The following CACNB4 variants were observed in gnomAD, a reference collection of about 807,000 sequenced individuals.
The protein encoded by CACNB4 is voltage-dependent L-type calcium channel subunit beta-4.
Under a neutral mutation model 71.2 loss-of-function variants are expected in CACNB4, and 32 were observed. The observed-to-expected ratio is 0.45, with a 90% CI of 0.34 to 0.60. CACNB4 has a LOEUF of 0.60. CACNB4 is among the 20% of genes least tolerant of loss of function. The pLI is 0.01. For missense variants in CACNB4, 464 were observed against 647.9 expected, an observed-to-expected ratio of 0.72 and a Z score of 3.08; for synonymous variants, 231 against 236.9, an observed-to-expected ratio of 0.97 and a Z score of 0.23.
intron 2 of CACNB4, among the ~76,000 whole-genome samples, chr2:151,993,689 C>A (rs1247328976): frequency 6.6e-6 from 1 of 151,730 alleles, no homozygotes; most frequent in Non-Finnish European, 1.5e-5. Flanking sequence ...CTCAGCCTCC[C>A]GAGTAGCTGG....
intron 2 of CACNB4, among the ~76,000 whole-genome samples, chr2:151,989,445 G>A (rs1043569282): frequency 5.3e-5 from 8 of 152,054 alleles, no homozygotes; most frequent in Admixed American, 3.9e-4. Flanking sequence ...ATAGAACCTC[G>A]TCTTATGTGA....
chr2:151,855,241 T>G lies in CACNB4; in HGVS notation c.1003A>C (p.Lys335Gln). 6.5e-7 allele frequency: 1 copy of G among 1,536,246 alleles called. No homozygotes were observed. The highest frequency in any genetic ancestry group is 8.9e-7 in the Non-Finnish European group (1 of 1,124,636). ...TSLAPIIVHV[K>Q]VSSPKVLQRL... ...CTAATTACCTTTGGAGATGAGACTT[T>G]TACATGAACAATAATTGGTGCTAAG... is the stretch of plus-strand genomic sequence containing the variant. The change falls in exon 11 of 14, where the codon AAA (lysine) becomes CAA (glutamine). Residue 335 changes from lysine to glutamine, a missense_variant. By Grantham distance (53) the Lys-to-Gln change is moderately conservative (BLOSUM62 1). Around this residue, in one of 3 missense-constraint regions of CACNB4, gnomAD observed 299 missense variants for 471.7 expected, o/e 0.63. Transcript: ENST00000539935.
chr2:151,899,141 C>G (rs1287047375), intron 2 of CACNB4, among the ~76,000 whole-genome samples: 1 of 152,234 alleles, frequency 6.6e-6, no homozygotes, highest in Non-Finnish European at 1.5e-5. Context: ...GGAGGCCCTT[C>G]TTCTAGCTGG....
At chr2:151,991,221 C>A (rs963506599) in intron 2 of CACNB4, among the ~76,000 whole-genome samples, 1 of 152,190 alleles carries the variant, frequency 6.6e-6, no homozygotes, top group East Asian at 1.9e-4. Context: ...CACCTTCTAA[C>A]TCAGAGTTCG....
At chr2:151,987,533 G>T (rs1430362824) in intron 2 of CACNB4, among the ~76,000 whole-genome samples, 1 of 152,130 alleles carries the variant, frequency 6.6e-6, no homozygotes, top group Non-Finnish European at 1.5e-5. Context: ...GCACTTTGTT[G>T]ATGTTTTGAA....
At chr2:151,922,088 C>G (rs748525591) in intron 2 of CACNB4, among the ~76,000 whole-genome samples, 1 of 152,202 alleles carries the variant, frequency 6.6e-6, no homozygotes, top group South Asian at 2.1e-4. Flanking sequence ...CTCTTGTTCT[C>G]TCTCTTCTGC....
chr2:151,963,885 T>C (rs1460896091), intron 2 of CACNB4, among the ~76,000 whole-genome samples: 1 of 151,926 alleles, frequency 6.6e-6, no homozygotes, highest in Admixed American at 6.6e-5. Context: ...CTGGCCAACA[T>C]GGTGAAACTC....
In CACNB4 at chr2:152,098,292, C is replaced by CCTCCTCCCCATCCTGGT; in HGVS notation, c.147+21_147+37dup. On this transcript the variant is annotated intron_variant, in intron 2 of 13. Transcript: ENST00000539935. The surrounding 1 kb of genome is among the most constrained non-coding windows in gnomAD (Gnocchi z 5.3). ...CAGGACCCCCGCGCCGCGCGCTCGG[C>CCTCCTCCCCATCCTGGT]CTCCTCCCCATCCTGGTCTCCCGCC... 1 of 1,544,624 alleles carries CCTCCTCCCCATCCTGGT rather than the reference C, an allele frequency of 6.5e-7. No homozygotes were observed. Among genetic ancestry groups the CCTCCTCCCCATCCTGGT allele is most frequent in the South Asian group, 1.1e-5 (1 of 89,666 alleles).
intron 2 of CACNB4, among the ~76,000 whole-genome samples, chr2:152,001,250 C>A (rs920502582): frequency 6.6e-6 from 1 of 152,000 alleles, no homozygotes; most frequent in Non-Finnish European, 1.5e-5. Flanking sequence ...AGGCTGAGTG[C>A]CAAGGGGTGG....
At chr2:152,059,141 C>T (rs1043115912) in intron 2 of CACNB4, among the ~76,000 whole-genome samples, 3 of 152,212 alleles carry the variant, frequency 2.0e-5, no homozygotes, top group Admixed American at 2.0e-4. Flanking sequence ...CATGGAGAAC[C>T]TCTGCTAGGA....
chr2:152,005,378 G>A (rs1285914227), intron 2 of CACNB4, among the ~76,000 whole-genome samples: 2 of 152,216 alleles, frequency 1.3e-5, no homozygotes, highest in African/African-American at 4.8e-5. Flanking sequence ...CAGCAATGTG[G>A]ATGCAGCAGG....
intron 2 of CACNB4, among the ~76,000 whole-genome samples, chr2:152,093,687 A>C (rs1199156888): frequency 6.6e-6 from 1 of 152,154 alleles, no homozygotes; most frequent in Non-Finnish European, 1.5e-5. Flanking sequence ...AGAAAAACTG[A>C]GCCGCTGCCA....
chr2:152,055,716 G>A (rs960205370), intron 2 of CACNB4, among the ~76,000 whole-genome samples: 3 of 152,140 alleles, frequency 2.0e-5, no homozygotes, highest in Non-Finnish European at 4.4e-5. Flanking sequence ...TAGCTTTGAA[G>A]GCTGATTTCC....
At chr2:151,847,070 G>C (rs2099837790) in intron 12 of CACNB4, among the ~76,000 whole-genome samples, 2 of 133,492 alleles carry the variant, frequency 1.5e-5, no homozygotes, top group South Asian at 5.0e-4. Flanking sequence ...CCTTGCTATT[G>C]TAAAATATAG....
At chr2:152,056,443 C>A (rs6745984) in intron 2 of CACNB4, among the ~76,000 whole-genome samples, 2 of 152,174 alleles carry the variant, frequency 1.3e-5, no homozygotes, top group Non-Finnish European at 2.9e-5. Flanking sequence ...ACAATTATCT[C>A]CCATGTTTCA....
At position 152,069,172 on chromosome 2, in the gene CACNB4, G is replaced by A. The variant is rs1686521786; in HGVS notation, c.147+29158C>T. Among the ~76,000 whole-genome samples the A allele has an allele frequency of 2.0e-5, 3 of 152,188 alleles. No individual in the cohort carries two copies. The South Asian group carries it at 6.2e-4, about 32-fold the overall frequency. On this transcript the variant is annotated intron_variant, in intron 2 of 13. Transcript: ENST00000539935. ...TCCACATTTCATGGGGCTTCACAGA[G>A]AGGCATGGTATCACCAATCACTAAT...
intron 2 of CACNB4, among the ~76,000 whole-genome samples, chr2:151,947,754 A>G (rs968649559): frequency 1.3e-5 from 2 of 152,316 alleles, no homozygotes; most frequent in Middle Eastern, 3.4e-3. Flanking sequence ...CACTTCCTGC[A>G]GGCACCTGCC....
At chr2:152,026,704 A>G (rs1450414692) in intron 2 of CACNB4, among the ~76,000 whole-genome samples, 1 of 151,976 alleles carries the variant, frequency 6.6e-6, no homozygotes, top group Non-Finnish European at 1.5e-5. Flanking sequence ...CTGCTATAGT[A>G]CCTAGAAGAA....
chr2:151,915,383 C>A (rs2099857198), intron 2 of CACNB4, among the ~76,000 whole-genome samples: 1 of 152,222 alleles, frequency 6.6e-6, no homozygotes, highest in South Asian at 2.1e-4. Flanking sequence ...CCTTCCCCCG[C>A]CCAGGGAGCT....
Sources: gnomAD v4.1 joint callset for allele counts (sites outside exome capture counted in the v4.1 genomes callset) on GRCh38, gnomAD v4.1.1 for gene constraint, gnomAD v4.1.1 regional missense constraint, Gnocchi (gnomAD v3.1) non-coding constraint, MANE v1.5 for transcripts, NCBI Gene and HGNC (gene_info 2026-07-23, HGNC 2026-07-21) for gene names.